The following MYCBP2 variants were observed in gnomAD, a reference collection of about 807,000 sequenced individuals.
MYCBP2 encodes MYC binding protein 2, also known as E3 ubiquitin-protein ligase MYCBP2.
A neutral mutation model predicts 525.3 loss-of-function variants in MYCBP2; 120 were observed. The observed-to-expected ratio is 0.23, with a 90% confidence interval of 0.20 to 0.27. The LOEUF (loss-of-function observed/expected upper bound fraction) is 0.27. Among genes scored for constraint, MYCBP2 ranks in the 10% least tolerant of loss-of-function variants. The pLI, the probability that MYCBP2 is intolerant of heterozygous loss-of-function variation, is 1.00. For synonymous variants in MYCBP2, 1,894 were observed against 1,955.8 expected (o/e 0.97, Z 0.83); for missense variants, 4,149 against 5,657.1 (o/e 0.73, Z 8.55).
chr13:77,090,322 T>C (rs2045177928), intron 59 of MYCBP2, 59 bp from the exon 60 acceptor site: 2 of 1,415,788 alleles, frequency 1.4e-6, no homozygotes, highest in Admixed American at 2.3e-5. Context: ...AATGTAACTA[T>C]ACTTATAATG....
In MYCBP2 at chr13:77,171,626, A is replaced by G. The variant is rs780888036; in HGVS notation, c.5660T>C (p.Phe1887Ser). The change falls in exon 38 of 83, where the codon TTT becomes TCT. Residue 1887 changes from phenylalanine to serine, a missense_variant. Phe to Ser is a radical substitution (Grantham distance 155). Coordinates refer to ENST00000544440, the MANE Select transcript of MYCBP2 (RefSeq NM_015057.5). ...AAGTTGGGATTGTAAATCTCCATCAAATTCACTCCTGTAGCATGAGCAAAC... is the reference window on the plus strand; with the variant it reads ...AAGTTGGGATTGTAAATCTCCATCAGATTCACTCCTGTAGCATGAGCAAAC... ...IPQILYYRSE[F>S]DGDLQSQLLS... 6.2e-7 allele frequency: 1 copy of G among 1,614,002 alleles called. No individual in the cohort carries two copies. Among genetic ancestry groups the G allele is most frequent in the Non-Finnish European group, 8.5e-7 (1 of 1,179,988 alleles).
At chr13:77,077,067 G>C (rs2042446954) in intron 67 of MYCBP2, 81 bp downstream of exon 67, 3 of 1,522,226 alleles carry the variant, frequency 2.0e-6, no homozygotes, top group African/African-American at 2.8e-5. Context: ...TCTGTAATAA[G>C]TTTCACAAAA....
chr13:77,204,002 T>C (rs980508463), intron 26 of MYCBP2, among the ~76,000 whole-genome samples: 38 of 152,108 alleles, frequency 2.5e-4, no homozygotes, highest in Admixed American at 6.5e-5. Context: ...ACTTCTTGTC[T>C]AAAACACCAA....
chr13:77,211,120 T>A (rs754855645), intron 23 of MYCBP2, 47 bp downstream of exon 23: 96 of 1,352,936 alleles, frequency 7.1e-5, no homozygotes, highest in Non-Finnish European at 8.8e-5. Context: ...CATAAGAGTA[T>A]AACTGCATCA....
At chr13:77,302,490 AGATGTTTTTAGAT>A (rs2078911430) in intron 1 of MYCBP2, among the ~76,000 whole-genome samples, 1 of 152,106 alleles carries the variant, frequency 6.6e-6, no homozygotes, top group Non-Finnish European at 1.5e-5. Context: ...ACAAAAATAA[AGATGTTTTTAGAT>A]CCATGAAAGC....
intron 17 of MYCBP2, among the ~76,000 whole-genome samples, chr13:77,235,323 CA>C (rs1418897570): frequency 6.6e-6 from 1 of 151,560 alleles, no homozygotes; most frequent in Non-Finnish European, 1.5e-5. Context: ...CAAAGAATGA[CA>C]AAAAGTTTAA....
At chr13:77,283,973 T>C (rs1261944922) in intron 3 of MYCBP2, among the ~76,000 whole-genome samples, 1 of 152,172 alleles carries the variant, frequency 6.6e-6, no homozygotes, top group Non-Finnish European at 1.5e-5. Flanking sequence ...ATGTAGATTT[T>C]AGTGACAGTT....
intron 79 of MYCBP2, among the ~76,000 whole-genome samples, chr13:77,056,368 A>C (rs909980230): frequency 6.6e-6 from 1 of 152,126 alleles, no homozygotes; most frequent in Non-Finnish European, 1.5e-5. Context: ...TAGTTTGCAA[A>C]TACGAAGATA....
intron 14 of MYCBP2, among the ~76,000 whole-genome samples, chr13:77,257,024 A>G (rs1056492467): frequency 6.6e-6 from 1 of 152,220 alleles, no homozygotes; most frequent in Admixed American, 6.5e-5. Context: ...AATGTGGCAT[A>G]TAAACACAAG....
At chr13:77,074,424 G>T (rs970234113) in intron 68 of MYCBP2, among the ~76,000 whole-genome samples, 2 of 151,962 alleles carry the variant, frequency 1.3e-5, no homozygotes, top group Non-Finnish European at 2.9e-5. Context: ...TAAAAATCAT[G>T]AATCAAAAAA....
At position 77,185,231 on chromosome 13, in the gene MYCBP2, G is replaced by A. The variant is rs765844771; in HGVS notation, c.4591C>T (p.Pro1531Ser). 1.9e-6 allele frequency: 3 copies of A among 1,614,110 alleles called. No individual in the cohort carries two copies. Among genetic ancestry groups the A allele is most frequent in the Non-Finnish European group, 2.5e-6 (3 of 1,179,988 alleles). ...AGGACAGCTTCTAGAAGACTCAAGG[G>A]TTGACTGAGATATCCTTGAGGATCA... The part of the protein sequence containing the change: ...DNDPQGYLSQ[P>S]LSLLEAVLQE... The change falls in exon 32 of 83, where the codon CCC becomes TCC. Residue 1531 changes from proline (P) to serine (S), a missense_variant. Pro to Ser is a moderately conservative substitution (Grantham distance 74). Around this residue, in one of 21 missense-constraint regions of MYCBP2, gnomAD observed 292 missense variants for 330.5 expected, o/e 0.88. Transcript: ENST00000544440.
rs758816274 is a variant in MYCBP2 at position 77,205,317 on chromosome 13, T to C, written c.3782A>G (p.Asp1261Gly). The C allele has an allele frequency of 3.7e-6, 6 of 1,613,754 alleles. No homozygotes were observed. In the South Asian group the frequency reaches 6.6e-5, roughly 18 times the overall value. Residue 1261 changes from aspartate to glycine, a missense_variant, in exon 26 of 83, where the codon GAT (aspartate) becomes GGT (glycine). Physicochemically the swap from Asp to Gly is moderately conservative, Grantham distance 94. Around this residue, in one of 21 missense-constraint regions of MYCBP2, gnomAD observed 620 missense variants for 795.5 expected, o/e 0.78. Transcript: ENST00000544440. Reference sequence around the variant, plus strand: ...CAGACCAAGACCACCAAGTAAAATATCAGTGTCGGCACTGAAACGTATAGC... The same window carrying C: ...CAGACCAAGACCACCAAGTAAAATACCAGTGTCGGCACTGAAACGTATAGC... Reference protein sequence around the residue: ...VEAIRFSADTDILLGGLGLFG... With the variant: ...VEAIRFSADTGILLGGLGLFG...
At chr13:77,316,396 T>C (rs1018534082) in intron 1 of MYCBP2, among the ~76,000 whole-genome samples, 8 of 152,202 alleles carry the variant, frequency 5.3e-5, no homozygotes, top group African/African-American at 1.9e-4. Flanking sequence ...CCATCACCTA[T>C]TGCCAAAGGC....
In MYCBP2 at chr13:77,081,814, G is replaced by C; in HGVS notation, c.11193+23C>G. Reference sequence around the variant, plus strand: ...GTATTATTAACTAACAGGACAACCAGGATAATAACTGAAATGACTGACCTG... The same window carrying C: ...GTATTATTAACTAACAGGACAACCACGATAATAACTGAAATGACTGACCTG... On this transcript the variant is annotated intron_variant, in intron 64 of 82. Transcript: ENST00000544440. This position sits in a 1 kb window ranked among gnomAD's most constrained non-coding sequence, Gnocchi z 4.6. 1 of 1,602,984 alleles carries C rather than the reference G, an allele frequency of 6.2e-7. No individual in the cohort carries two copies. The highest frequency in any genetic ancestry group is 8.5e-7 in the Non-Finnish European group (1 of 1,174,808).
At chr13:77,184,264 T>C (rs1032101396) in intron 32 of MYCBP2, among the ~76,000 whole-genome samples, 3 of 152,258 alleles carry the variant, frequency 2.0e-5, no homozygotes, top group African/African-American at 7.2e-5. Flanking sequence ...TTAGAAGTGC[T>C]GTCATTTTCC....
chr13:77,204,582 T>G, intron 26 of MYCBP2, among the ~76,000 whole-genome samples: 6 of 116,622 alleles, frequency 5.1e-5, no homozygotes, highest in African/African-American at 1.3e-4. Context: ...CATGCTGCTA[T>G]AAAGACACAT....
intron 2 of MYCBP2, among the ~76,000 whole-genome samples, chr13:77,293,933 G>A (rs764446861): frequency 4.6e-5 from 7 of 151,528 alleles, no homozygotes; most frequent in Non-Finnish European, 7.4e-5. Flanking sequence ...AAGATAACGA[G>A]TGTTAATTTA....
chr13:77,241,628 ATAT>A (rs2068843383), intron 17 of MYCBP2, among the ~76,000 whole-genome samples: 1 of 152,194 alleles, frequency 6.6e-6, no homozygotes, highest in African/African-American at 2.4e-5. Context: ...GACAGTATCT[ATAT>A]TAATCTCATT....
intron 66 of MYCBP2, chr13:77,077,983 A>G (rs974866416): frequency 6.6e-6 from 1 of 152,182 alleles, no homozygotes; most frequent in African/African-American, 2.4e-5. Context: ...TCTTGACACT[A>G]TTCCCTTCAT....
Sources: gnomAD v4.1 joint callset for allele counts (sites outside exome capture counted in the v4.1 genomes callset) on GRCh38, gnomAD v4.1.1 for gene constraint, gnomAD v4.1.1 regional missense constraint, Gnocchi (gnomAD v3.1) non-coding constraint, MANE v1.5 for transcripts, NCBI Gene and HGNC (gene_info 2026-07-23, HGNC 2026-07-21) for gene names.